Variants in TSNAXIP1 observed in about 807,000 individuals in gnomAD.
TSNAXIP1 encodes translin-associated factor X-interacting protein 1.
TSNAXIP1 carries 89 observed loss-of-function variants against 84.8 expected under a neutral mutation model. The observed-to-expected ratio is 1.05, with a 90% CI of 0.88 to 1.25. The LOEUF (loss-of-function observed/expected upper bound fraction) is 1.25, where lower values mean the gene tolerates loss of function less well. TSNAXIP1 is among the 50% of genes most tolerant of loss of function. TSNAXIP1 has a pLI of 0.00. For missense variants in TSNAXIP1, 874 were observed against 887.6 expected (o/e 0.98, Z 0.20); for synonymous variants, 347 against 335.2 (o/e 1.04, Z -0.39).
chr16:67,826,264 A>G lies in TSNAXIP1; in HGVS notation c.1257A>G (p.Lys419=), dbSNP rs1323057494. The change falls in exon 10 of 16, where the codon AAA becomes AAG. Residue 419 remains lysine, a synonymous_variant. Transcript: ENST00000561639. ...EEIGSGLLRE[K]DFFPGLGYGE... is the part of the protein sequence containing the mutation. ...TTGGTTCGGGGCTGCTGCGGGAGAA[A>G]GACTTCTTCCCTGGTCTGGTAGGGG... 1 of 1,580,548 alleles carries G rather than the reference A, an allele frequency of 6.3e-7. No individual in the cohort carries two copies. Among genetic ancestry groups the G allele is most frequent in the Non-Finnish European group, 8.6e-7 (1 of 1,161,718 alleles).
rs2057468122 is a variant in TSNAXIP1, at chr16:67,826,562, G to C, written c.1401G>C (p.Gln467His). The C allele has an allele frequency of 6.2e-7, 1 of 1,614,148 alleles. No individual in the cohort carries two copies. The highest frequency in any genetic ancestry group is 8.5e-7 in the Non-Finnish European group (1 of 1,180,020). Residue 467 changes from glutamine to histidine, a missense_variant and splice_region_variant, in exon 11 of 16, where the codon CAG becomes CAC. Coordinates refer to ENST00000561639, the MANE Select transcript of TSNAXIP1 (RefSeq NM_001288990.3). ...DAWKERLAEE[Q>H]KETFPDFFFN... is the part of the protein sequence containing the mutation. ...GGAAGGAACGTCTTGCTGAGGAGCA[G>C]GTCAGATCTCACCAGCCACTCTGGC...
rs1223474105 is a variant in TSNAXIP1 at position 67,807,019 on chromosome 16, G to A, written c.-131G>A. ...TCCCAGCCCGCGGGCGCTAGGCTCG[G>A]GGGCGTGGCGCATCCCTGACTCCGC... On this transcript the variant is annotated 5_prime_UTR_variant, in exon 1 of 16. Coordinates refer to ENST00000561639, the MANE Select transcript of TSNAXIP1 (RefSeq NM_001288990.3). The A allele has an allele frequency of 2.1e-6, 3 of 1,414,932 alleles. No homozygotes were observed. The highest frequency in any genetic ancestry group is 2.6e-5 in the Admixed American group (1 of 37,990). The allele number at this position is 1,414,932 out of a possible 1,614,324, so 87.6% of individuals were successfully genotyped here.
chr16:67,813,935 G>T (rs769887413), intron 1 of TSNAXIP1, among the ~76,000 whole-genome samples: 3 of 151,952 alleles, frequency 2.0e-5, no homozygotes, highest in Non-Finnish European at 4.4e-5. Flanking sequence ...TTGTCCTACA[G>T]CACCTGCCCT....
chr16:67,818,656 A>G (rs1024118108), intron 2 of TSNAXIP1, among the ~76,000 whole-genome samples: 3 of 151,710 alleles, frequency 2.0e-5, no homozygotes, highest in African/African-American at 4.8e-5. Flanking sequence ...TCTTGATCCC[A>G]GGACAGTTCG....
In TSNAXIP1 at chr16:67,828,066, C is replaced by T. The variant is rs1233572929; in HGVS notation, c.*73C>T. 1.3e-6 allele frequency: 2 copies of T among 1,570,136 alleles called. No homozygotes were observed. Among genetic ancestry groups the T allele is most frequent in the Non-Finnish European group, 1.7e-6 (2 of 1,158,820 alleles). ...TTAATATAAAAGTGTTTGTCTGAAT[C>T]CATGCCATTCTCCAGACTGTGCTGG... On this transcript the variant is annotated 3_prime_UTR_variant, in exon 16 of 16. Transcript: ENST00000561639.
chr16:67,812,296 C>T (rs1318003414), intron 1 of TSNAXIP1, among the ~76,000 whole-genome samples: 2 of 152,050 alleles, frequency 1.3e-5, no homozygotes, highest in African/African-American at 4.8e-5. Flanking sequence ...TTTTCCTGTT[C>T]TACTGTCATA....
At position 67,827,894 on chromosome 16, in the gene TSNAXIP1, G is replaced by C; in HGVS notation, c.2040G>C (p.Lys680Asn). ...ESEMPEEGDE[K>N]EEAVVEILQT... The stretch of plus-strand genomic sequence containing the variant: ...AAATGCCAGAGGAGGGTGACGAGAA[G>C]GAAGAAGCCGTGGTGGAAATCCTCC... Residue 680 changes from lysine (K) to asparagine (N), a missense_variant, in exon 16 of 16, where the codon AAG becomes AAC. By Grantham distance (94) the Lys-to-Asn change is moderately conservative. Coordinates refer to ENST00000561639, the MANE Select transcript of TSNAXIP1 (RefSeq NM_001288990.3). The C allele has an allele frequency of 6.2e-7, 1 of 1,614,116 alleles. No individual in the cohort carries two copies. The highest frequency in any genetic ancestry group is 8.5e-7 in the Non-Finnish European group (1 of 1,180,040).
intron 2 of TSNAXIP1, among the ~76,000 whole-genome samples, chr16:67,819,968 G>A (rs1438036390): frequency 2.6e-5 from 4 of 151,962 alleles, no homozygotes; most frequent in African/African-American, 7.2e-5. Flanking sequence ...ACAGGTGTCC[G>A]ACACCACGCC....
chr16:67,827,031 T>C lies in TSNAXIP1; in HGVS notation c.1623T>C (p.Ala541=), dbSNP rs776053191. ...VAQLLKEMTN[A]DSQNEGLLTM... The stretch of plus-strand genomic sequence containing the variant: ...AGCTGCTGAAGGAGATGACAAATGC[T>C]GACAGTCAGAACGAGGGGCTACTAA... The change falls in exon 13 of 16, where the codon GCT becomes GCC. Residue 541 remains alanine, a synonymous_variant. Coordinates refer to ENST00000561639, the MANE Select transcript of TSNAXIP1 (RefSeq NM_001288990.3). 1 of 1,614,138 alleles carries C rather than the reference T, an allele frequency of 6.2e-7. No homozygotes were observed. The highest frequency in any genetic ancestry group is 8.5e-7 in the Non-Finnish European group (1 of 1,180,030).
Position 67,825,984 on chromosome 16 carries a change from T to G in TSNAXIP1, c.1052T>G (p.Met351Arg). The change falls in exon 9 of 16, where the codon ATG becomes AGG. Residue 351 changes from methionine to arginine, a missense_variant. By Grantham distance (91) the Met-to-Arg change is moderately conservative. Transcript: ENST00000561639. ...CATGAGATCCTCATGCAGCTGCACA[T>G]GAGCACGCTGAAGGAACGGGACCAA... Reference protein sequence around the residue: ...KEHEILMQLHMSTLKERDQFF... With the variant: ...KEHEILMQLHRSTLKERDQFF... The G allele has an allele frequency of 6.2e-7, 1 of 1,614,040 alleles. No individual in the cohort carries two copies. The highest frequency in any genetic ancestry group is 8.5e-7 in the Non-Finnish European group (1 of 1,180,016).
intron 1 of TSNAXIP1, among the ~76,000 whole-genome samples, chr16:67,812,464 G>C (rs552268933): frequency 6.6e-6 from 1 of 150,748 alleles, no homozygotes; most frequent in African/African-American, 2.4e-5. Context: ...TCAGGAGATC[G>C]AGACCATCCT....
At chr16:67,821,266 G>GGGTT in intron 4 of TSNAXIP1, 41 bp downstream of exon 4, 1 of 1,447,910 alleles carries the variant, frequency 6.9e-7, no homozygotes, top group Non-Finnish European at 9.4e-7. Context: ...CGGGGGAAGG[G>GGGTT]TGGGAAGAAG....
Position 67,817,142 on chromosome 16 carries a change from G to T in TSNAXIP1, c.147+2741G>T, listed in dbSNP as rs75854709. Among the ~76,000 whole-genome samples the T allele has an allele frequency of 9.6e-3, 1,368 of 141,764 alleles. 24 individuals carry two copies. The highest frequency in any genetic ancestry group is 0.031 in the African/African-American group (1,202 of 38,604). 93.0% of individuals were successfully genotyped at this position (141,764 alleles called of 152,430 possible). A position where few individuals can be genotyped will look rare whatever the true frequency, so the allele number is the denominator to read the frequency against. On this transcript the variant is annotated intron_variant, in intron 2 of 15. Coordinates refer to ENST00000561639, the MANE Select transcript of TSNAXIP1 (RefSeq NM_001288990.3). ...CACCACACCTGGCTAATTTTTTGCG[G>T]TTTTTTTTTTGTTTTTTGTTTTTTT...
chr16:67,820,372 A>G (rs1323170699), intron 2 of TSNAXIP1, among the ~76,000 whole-genome samples: 1 of 152,198 alleles, frequency 6.6e-6, no homozygotes, highest in Non-Finnish European at 1.5e-5. Flanking sequence ...AATAAGGGAC[A>G]TTTGAGACTT....
intron 1 of TSNAXIP1, among the ~76,000 whole-genome samples, chr16:67,808,445 G>C (rs957785960): frequency 1.3e-5 from 2 of 152,150 alleles, no homozygotes; most frequent in East Asian, 3.9e-4. Flanking sequence ...ATGGGGGTGG[G>C]CACCTGTAGT....
intron 4 of TSNAXIP1, 89 bp downstream of exon 4, chr16:67,821,314 A>C (rs2057035431): frequency 1.4e-5 from 21 of 1,513,868 alleles, no homozygotes; most frequent in Non-Finnish European, 1.9e-5. Context: ...TCACGCCTGT[A>C]ATCTCAGCAC....
chr16:67,807,120 G>A lies in TSNAXIP1; in HGVS notation c.-30G>A. The A allele has an allele frequency of 2.6e-6, 4 of 1,533,506 alleles. No homozygotes were observed. Among genetic ancestry groups the A allele is most frequent in the Non-Finnish European group, 3.5e-6 (4 of 1,146,094 alleles). The allele number at this position is 1,533,506 out of a possible 1,614,324, so 95.0% of individuals were successfully genotyped here. On this transcript the variant is annotated 5_prime_UTR_variant, in exon 1 of 16. Coordinates refer to ENST00000561639, the MANE Select transcript of TSNAXIP1 (RefSeq NM_001288990.3). ...ACGCTACCACAGCTTCCCAGGCCGC[G>A]GGTGCTGATTGCCCGCCTGCCCGTG...
At chr16:67,808,053 C>T (rs2055635024) in intron 1 of TSNAXIP1, among the ~76,000 whole-genome samples, 1 of 152,152 alleles carries the variant, frequency 6.6e-6, no homozygotes, top group African/African-American at 2.4e-5. Flanking sequence ...GCTTATATAT[C>T]TCAAACATGG....
rs2055879465 is a variant in TSNAXIP1, at chr16:67,809,827, T to G, written c.47+2631T>G. 2.6e-5 allele frequency among the ~76,000 whole-genome samples: 4 copies of G among 151,504 alleles called. No homozygotes were observed. In the South Asian group the frequency reaches 8.3e-4, roughly 32 times the overall value. ...GCCAGGCGGTAGTGGCATGCACCTG[T>G]AATCCCAGCTACTCAGGAGGCTGAA... On this transcript the variant is annotated intron_variant, in intron 1 of 15. Coordinates refer to ENST00000561639, the MANE Select transcript of TSNAXIP1 (RefSeq NM_001288990.3).
Sources: gnomAD v4.1 joint callset for allele counts (sites outside exome capture counted in the v4.1 genomes callset) on GRCh38, gnomAD v4.1.1 for gene constraint, MANE v1.5 for transcripts, NCBI Gene and HGNC (gene_info 2026-07-23, HGNC 2026-07-21) for gene names.